GRIN2B: variants seen among roughly 807,000 people sequenced by gnomAD.
GRIN2B encodes the protein glutamate receptor ionotropic, NMDA 2B.
A neutral mutation model predicts 114.5 loss-of-function variants in GRIN2B; 5 were observed. The observed-to-expected ratio is 0.04, with a 90% CI of 0.02 to 0.09. The LOEUF is 0.09. GRIN2B is among the 10% of genes least tolerant of loss of function. The probability of loss-of-function intolerance (pLI) is 1.00; values close to 1 mark genes in which losing one functional copy is unlikely to be tolerated. For missense variants in GRIN2B, 1,108 were observed against 1,943.5 expected, an observed-to-expected ratio of 0.57 and a Z score of 8.08; for synonymous variants, 787 against 745.1, an observed-to-expected ratio of 1.06 and a Z score of -0.92.
chr12:13,975,073 AC>A (rs1334629984), intron 2 of GRIN2B, among the ~76,000 whole-genome samples: 4 of 152,206 alleles, frequency 2.6e-5, no homozygotes, highest in Non-Finnish European at 5.9e-5. Flanking sequence ...ACTTAAATAT[AC>A]AGGTTTCTTT....
chr12:13,556,138 A>C lies in GRIN2B; in HGVS notation c.*6645T>G, dbSNP rs75446909. The C allele has an allele frequency of 7.9e-5, 12 of 152,304 alleles. No homozygotes were observed. The East Asian group carries it at 2.1e-3, about 27-fold the overall frequency. The allele number at this position is 152,304 out of a possible 1,614,324, so 9.4% of individuals were successfully genotyped here. On this transcript the variant is annotated 3_prime_UTR_variant, in exon 14 of 14. Coordinates refer to ENST00000609686, the MANE Select transcript of GRIN2B (RefSeq NM_000834.5). The stretch of plus-strand genomic sequence containing the variant: ...AAAGGCAAGGTTGTGGTTAGAGAGG[A>C]AATCCCAGAGTTTTAGCTCTGGGAG...
Position 13,559,522 on chromosome 12 carries a change from TAAAG to T in GRIN2B, c.*3257_*3260del, listed in dbSNP as rs549369390. The T allele has an allele frequency of 3.3e-5, 5 of 152,264 alleles. No homozygotes were observed. In the East Asian group the frequency reaches 7.7e-4, roughly 24 times the overall value. The allele number at this position is 152,264 out of a possible 1,614,324, so 9.4% of individuals were successfully genotyped here. Reference sequence around the variant, plus strand: ...ATGGCAGTAATGAGGACAAGGCAAATAAAGAGCCGCTATTGGCACCATTGCTCAC... The same window carrying T: ...ATGGCAGTAATGAGGACAAGGCAAATAGCCGCTATTGGCACCATTGCTCAC... On this transcript the variant is annotated 3_prime_UTR_variant, in exon 14 of 14. Coordinates refer to ENST00000609686, the MANE Select transcript of GRIN2B (RefSeq NM_000834.5).
At chr12:13,828,798 C>A (rs1347356116) in intron 3 of GRIN2B, among the ~76,000 whole-genome samples, 1 of 152,092 alleles carries the variant, frequency 6.6e-6, no homozygotes, top group Non-Finnish European at 1.5e-5. Context: ...GTGAAAGTAT[C>A]ACAATTTTTG....
chr12:13,806,019 T>C (rs1421422134), intron 3 of GRIN2B, among the ~76,000 whole-genome samples: 2 of 152,178 alleles, frequency 1.3e-5, no homozygotes, highest in Non-Finnish European at 2.9e-5. Flanking sequence ...CTTAGCAAAA[T>C]GTCCTCCAGA....
At chr12:13,969,333 A>G (rs1473330428) in intron 2 of GRIN2B, among the ~76,000 whole-genome samples, 2 of 152,210 alleles carry the variant, frequency 1.3e-5, no homozygotes, top group East Asian at 3.8e-4. Context: ...TTAACATGGA[A>G]GCAACTCTAT....
chr12:13,960,996 T>G (rs549540399), intron 2 of GRIN2B, among the ~76,000 whole-genome samples: 92 of 152,102 alleles, frequency 6.0e-4, no homozygotes, highest in African/African-American at 2.0e-3. Flanking sequence ...AGAGCCCATG[T>G]TTTGAGAGTG....
rs144217339 is a variant in GRIN2B at position 13,924,173 on chromosome 12, A to G, written c.-19+55755T>C. On this transcript the variant is annotated intron_variant, in intron 2 of 13. Coordinates refer to ENST00000609686, the MANE Select transcript of GRIN2B (RefSeq NM_000834.5). ...ACCCGAGGCATACACTGCACACAGC[A>G]TGTAAAAGCGGTACACAGTAATAGG... 3.2e-3 allele frequency among the ~76,000 whole-genome samples: 492 copies of G among 152,350 alleles called. 2 individuals are homozygous for G. Among genetic ancestry groups the G allele is most frequent in the Middle Eastern group, 0.02 (6 of 294 alleles).
At chr12:13,966,544 T>C (rs1223741200) in intron 2 of GRIN2B, among the ~76,000 whole-genome samples, 1 of 152,208 alleles carries the variant, frequency 6.6e-6, no homozygotes, top group African/African-American at 2.4e-5. Flanking sequence ...ACATGGCACC[T>C]CGTGGCCAGA....
chr12:13,881,013 T>TGTGC (rs1555151915), intron 2 of GRIN2B, among the ~76,000 whole-genome samples: 4 of 120,236 alleles, frequency 3.3e-5, no homozygotes, highest in East Asian at 2.0e-4. Flanking sequence ...TGTGTGTGTG[T>TGTGC]GCGCGTGCGC....
chr12:13,757,640 T>C (rs1343123655), intron 3 of GRIN2B, among the ~76,000 whole-genome samples: 1 of 152,182 alleles, frequency 6.6e-6, no homozygotes. Flanking sequence ...GTCAAATTTA[T>C]TACCTGAATG....
chr12:13,707,564 A>T (rs1950371958), intron 4 of GRIN2B, among the ~76,000 whole-genome samples: 1 of 152,158 alleles, frequency 6.6e-6, no homozygotes, highest in Non-Finnish European at 1.5e-5. Context: ...AAAGTTAAAC[A>T]GTGTTATATC....
chr12:13,641,278 G>T (rs1949712904), intron 5 of GRIN2B, among the ~76,000 whole-genome samples: 1 of 151,926 alleles, frequency 6.6e-6, no homozygotes, highest in Non-Finnish European at 1.5e-5. Flanking sequence ...TCACCACGTT[G>T]GCCAGGCTGG....
intron 4 of GRIN2B, among the ~76,000 whole-genome samples, chr12:13,692,368 G>A (rs766157925): frequency 1.8e-4 from 27 of 152,110 alleles, no homozygotes; most frequent in Non-Finnish European, 3.2e-4. Context: ...GAATATAGGT[G>A]CTCAGAATAC....
intron 3 of GRIN2B, among the ~76,000 whole-genome samples, chr12:13,802,004 C>T (rs544792966): frequency 6.6e-6 from 1 of 152,104 alleles, no homozygotes; most frequent in East Asian, 1.9e-4. Flanking sequence ...ATTCACGCAC[C>T]CACCAGATGC....
chr12:13,764,406 T>C (rs895827863), intron 3 of GRIN2B, among the ~76,000 whole-genome samples: 1 of 152,052 alleles, frequency 6.6e-6, no homozygotes, highest in Admixed American at 6.6e-5. Context: ...TTTTACACAG[T>C]CCTAATTCCA....
At position 13,834,236 on chromosome 12, in the gene GRIN2B, A is replaced by G. The variant is rs1434654306; in HGVS notation, c.411+31562T>C. 7.1e-5 allele frequency among the ~76,000 whole-genome samples: 9 copies of G among 127,046 alleles called. No homozygotes were observed. In the East Asian group the frequency reaches 1.9e-3, roughly 27 times the overall value. 83.3% of individuals were successfully genotyped at this position (127,046 alleles called of 152,430 possible). A position where few individuals can be genotyped will look rare whatever the true frequency, so the allele number is the denominator to read the frequency against. On this transcript the variant is annotated intron_variant, in intron 3 of 13. Transcript: ENST00000609686. ...TTTTTTTTAGTAGAGATGGGGTTTC[A>G]CCGTGTTAGCCACAATGGTCTGGAT...
At chr12:13,748,272 G>A (rs1345279108) in intron 4 of GRIN2B, among the ~76,000 whole-genome samples, 1 of 152,204 alleles carries the variant, frequency 6.6e-6, no homozygotes, top group East Asian at 1.9e-4. Flanking sequence ...CTTTCTACAA[G>A]TTCCAAAAGT....
At chr12:13,911,793 C>A (rs1430264513) in intron 2 of GRIN2B, among the ~76,000 whole-genome samples, 1 of 152,166 alleles carries the variant, frequency 6.6e-6, no homozygotes, top group Non-Finnish European at 1.5e-5. Context: ...TATTCAAATA[C>A]CTGCTCACTT....
intron 4 of GRIN2B, among the ~76,000 whole-genome samples, chr12:13,689,632 T>G (rs1000049239): frequency 2.6e-5 from 4 of 152,160 alleles, no homozygotes; most frequent in Non-Finnish European, 1.5e-5. Flanking sequence ...TATCCCCATT[T>G]AATCTTACCG....
Sources: allele counts gnomAD v4.1 joint callset (sites outside exome capture counted in the v4.1 genomes callset), GRCh38; gene constraint gnomAD v4.1.1; transcripts MANE v1.5; gene names NCBI Gene and HGNC (gene_info 2026-07-23, HGNC 2026-07-21).